MOB1A: variants seen among roughly 807,000 people sequenced by gnomAD.
The protein encoded by MOB1A is MOB kinase activator 1A.
Under a neutral mutation model 25.1 loss-of-function variants are expected in MOB1A, and 10 were observed. The observed-to-expected ratio is 0.40, with a 90% CI of 0.25 to 0.68. The LOEUF is 0.68. MOB1A is among the 30% of genes least tolerant of loss of function. The probability of loss-of-function intolerance (pLI) is 0.40; values close to 1 mark genes in which losing one functional copy is unlikely to be tolerated. For synonymous variants in MOB1A, 81 were observed against 79.5 expected, an observed-to-expected ratio of 1.02 and a Z score of -0.10; for missense variants, 177 against 256.3, an observed-to-expected ratio of 0.69 and a Z score of 2.11.
chr2:74,161,012 T>C (rs1188615732), intron 4 of MOB1A, among the ~76,000 whole-genome samples: 1 of 151,192 alleles, frequency 6.6e-6, no homozygotes, highest in African/African-American at 2.4e-5. Flanking sequence ...TGAGCCAAGA[T>C]TGCCGCCACT....
At chr2:74,177,183 G>A (rs1463425038) in intron 1 of MOB1A, among the ~76,000 whole-genome samples, 1 of 151,886 alleles carries the variant, frequency 6.6e-6, no homozygotes, top group Admixed American at 6.6e-5. Flanking sequence ...TGTGGTGGCC[G>A]GCGCCTGTAA....
chr2:74,172,631 T>A lies in MOB1A; in HGVS notation c.136A>T (p.Met46Leu), dbSNP rs933331119. ...LGSGNLRQAV[M>L]LPEGEDLNEW... is the part of the protein sequence containing the mutation. ...TTGAGATCCTCTCCCTCAGGCAACATAACAGCTTGTCTCAGATTCCCACTT... is the reference window on the plus strand; with the variant it reads ...TTGAGATCCTCTCCCTCAGGCAACAAAACAGCTTGTCTCAGATTCCCACTT... Residue 46 changes from methionine (M) to leucine (L), a missense_variant, in exon 2 of 6, where the codon ATG (methionine) becomes TTG (leucine). Transcript: ENST00000396049. 8.1e-6 allele frequency: 13 copies of A among 1,613,830 alleles called. No homozygotes were observed. The highest frequency in any genetic ancestry group is 1.6e-4 in the Middle Eastern group (1 of 6,084).
intron 3 of MOB1A, among the ~76,000 whole-genome samples, chr2:74,166,647 G>T (rs1693136983): frequency 6.6e-6 from 1 of 152,088 alleles, no homozygotes; most frequent in African/African-American, 2.4e-5. Flanking sequence ...CCAGCCCTGG[G>T]GAACATGGCA....
chr2:74,165,965 ATAT>A (rs1203027638), intron 3 of MOB1A, among the ~76,000 whole-genome samples: 1 of 152,200 alleles, frequency 6.6e-6, no homozygotes, highest in Non-Finnish European at 1.5e-5. Context: ...TCTTCCTAAA[ATAT>A]TATAATAAAA....
intron 1 of MOB1A, among the ~76,000 whole-genome samples, chr2:74,174,384 C>T (rs1693392232): frequency 6.6e-6 from 1 of 151,988 alleles, no homozygotes; most frequent in African/African-American, 2.4e-5. Flanking sequence ...TTTCTTGAGC[C>T]CAGGAGTTTG....
Position 74,171,207 on chromosome 2 carries a change from G to A in MOB1A, c.181+1379C>T, listed in dbSNP as rs548420269. On this transcript the variant is annotated intron_variant, in intron 2 of 5. Transcript: ENST00000396049. ...TGAGGCAGGAGAATTGCTTAAACCC[G>A]GGAGGTGGAGGTGGAGGTTGCAGTG... Among the ~76,000 whole-genome samples, 19 of 151,682 alleles carry A rather than the reference G, an allele frequency of 1.3e-4. 1 individual carries two copies. The highest frequency in any genetic ancestry group is 4.4e-4 in the African/African-American group (18 of 41,352).
At chr2:74,160,699 C>CAA (rs34984227) in intron 4 of MOB1A, among the ~76,000 whole-genome samples, 2 of 140,174 alleles carry the variant, frequency 1.4e-5, no homozygotes, top group African/African-American at 5.1e-5. Context: ...GACTCCGTCT[C>CAA]AAAAAAAAAA....
intron 2 of MOB1A, 126 bp downstream of exon 2, chr2:74,172,460 A>T: frequency 1.1e-6 from 1 of 907,400 alleles, no homozygotes; most frequent in Non-Finnish European, 1.6e-6. Context: ...ATGTATTTGT[A>T]CTTAATGTTT....
chr2:74,158,961 A>G, intron 5 of MOB1A, 130 bp downstream of exon 5: 1 of 923,188 alleles, frequency 1.1e-6, no homozygotes, highest in Non-Finnish European at 1.7e-6. Flanking sequence ...AAAAGAGAAC[A>G]AAACAGAAAA....
At chr2:74,176,127 C>G (rs1309032310) in intron 1 of MOB1A, among the ~76,000 whole-genome samples, 1 of 143,992 alleles carries the variant, frequency 6.9e-6, no homozygotes, top group Non-Finnish European at 1.5e-5. Flanking sequence ...CACACACAAA[C>G]TAGCCGGGCG....
chr2:74,159,460 T>C (rs142967068), intron 4 of MOB1A, among the ~76,000 whole-genome samples: 99 of 152,206 alleles, frequency 6.5e-4, no homozygotes, highest in African/African-American at 2.3e-3. Context: ...TAATTTTTTG[T>C]ATTTTTTGTA....
In MOB1A at chr2:74,172,750, C is replaced by T; in HGVS notation, c.17G>A (p.Ser6Asn). ...TTTGAATGTTTTAGAAGAGCGGCTGCTGCTGTAAGATTAAAAGTGCAAGTA... is the reference window on the plus strand; with the variant it reads ...TTTGAATGTTTTAGAAGAGCGGCTGTTGCTGTAAGATTAAAAGTGCAAGTA... MSFLF[S>N]SRSSKTFKPK... Residue 6 changes from serine (S) to asparagine (N), a missense_variant and splice_region_variant, in exon 2 of 6, where the codon AGC becomes AAC. Physicochemically the swap from Ser to Asn is conservative, Grantham distance 46. Coordinates refer to ENST00000396049, the MANE Select transcript of MOB1A (RefSeq NM_018221.5). 1 of 1,612,410 alleles carries T rather than the reference C, an allele frequency of 6.2e-7. No individual in the cohort carries two copies. Among genetic ancestry groups the T allele is most frequent in the Non-Finnish European group, 8.5e-7 (1 of 1,179,138 alleles).
At chr2:74,176,899 T>TA (rs1693489371) in intron 1 of MOB1A, among the ~76,000 whole-genome samples, 1 of 152,084 alleles carries the variant, frequency 6.6e-6, no homozygotes, top group Non-Finnish European at 1.5e-5. Flanking sequence ...TAAACATAGT[T>TA]ACCACTTAAG....
Position 74,178,702 on chromosome 2 carries a change from GC to G in MOB1A, c.-29del, listed in dbSNP as rs1163919744. The G allele has an allele frequency of 8.6e-6, 11 of 1,271,730 alleles. No homozygotes were observed. The highest frequency in any genetic ancestry group is 2.4e-5 in the South Asian group (1 of 42,112). 78.8% of individuals were successfully genotyped at this position (1,271,730 alleles called of 1,614,324 possible). On this transcript the variant is annotated 5_prime_UTR_variant, in exon 1 of 6. Coordinates refer to ENST00000396049, the MANE Select transcript of MOB1A (RefSeq NM_018221.5). ...TCGGTCCTCAGAGGGGAGGCGAGGGGCCCCTGGCCCCCGCCTGGATCAGGAT... is the reference window on the plus strand; with the variant it reads ...TCGGTCCTCAGAGGGGAGGCGAGGGGCCCTGGCCCCCGCCTGGATCAGGAT...
At chr2:74,175,703 A>G (rs1012388357) in intron 1 of MOB1A, among the ~76,000 whole-genome samples, 4 of 152,202 alleles carry the variant, frequency 2.6e-5, no homozygotes, top group Non-Finnish European at 5.9e-5. Flanking sequence ...TGGTACATCC[A>G]TATCATGGAA....
At chr2:74,163,212 A>G (rs1000075578) in intron 4 of MOB1A, among the ~76,000 whole-genome samples, 2 of 152,202 alleles carry the variant, frequency 1.3e-5, no homozygotes, top group African/African-American at 4.8e-5. Flanking sequence ...ACAAGAATAC[A>G]TTATCAGAAA....
At chr2:74,176,658 G>A (rs1011792196) in intron 1 of MOB1A, among the ~76,000 whole-genome samples, 1 of 151,800 alleles carries the variant, frequency 6.6e-6, no homozygotes, top group African/African-American at 2.4e-5. Flanking sequence ...CAGCTACTTG[G>A]GAGACTGAGG....
At chr2:74,158,317 C>G (rs1358913143) in intron 5 of MOB1A, among the ~76,000 whole-genome samples, 1 of 151,414 alleles carries the variant, frequency 6.6e-6, no homozygotes, top group Admixed American at 6.6e-5. Context: ...GTACAGTACA[C>G]AAAACTATAA....
chr2:74,165,731 C>A (rs1693111834), intron 3 of MOB1A, among the ~76,000 whole-genome samples: 1 of 152,056 alleles, frequency 6.6e-6, no homozygotes, highest in Non-Finnish European at 1.5e-5. Context: ...CATCAATGGA[C>A]CCAAGATTAT....
Sources: gnomAD v4.1 joint callset for allele counts (sites outside exome capture counted in the v4.1 genomes callset) on GRCh38, gnomAD v4.1.1 for gene constraint, MANE v1.5 for transcripts, NCBI Gene and HGNC (gene_info 2026-07-23, HGNC 2026-07-21) for gene names.